FTCD: variants seen among roughly 807,000 people sequenced by gnomAD.
FTCD encodes formimidoyltransferase cyclodeaminase, also known as formimidoyltransferase-cyclodeaminase.
FTCD carries 76 observed loss-of-function variants against 62.9 expected under a neutral mutation model. The observed-to-expected ratio is 1.21, with a 90% CI of 1.00 to 1.46. FTCD has a LOEUF of 1.46. FTCD is among the 40% of genes most tolerant of loss of function. FTCD has a pLI of 0.00. For synonymous variants in FTCD, 397 were observed against 336.9 expected (o/e 1.18, Z -1.95); for missense variants, 845 against 751.3 (o/e 1.12, Z -1.46).
At chr21:46,150,849 G>C (rs1253409357) in intron 5 of FTCD, among the ~76,000 whole-genome samples, 1 of 152,266 alleles carries the variant, frequency 6.6e-6, no homozygotes, top group Non-Finnish European at 1.5e-5. Flanking sequence ...GCACCCCCAT[G>C]CCGTTCTCCC....
In FTCD at chr21:46,152,897, G is replaced by GGGGC; in HGVS notation, c.367+9_367+10insGCCC. 4.1e-6 allele frequency: 5 copies of GGGGC among 1,210,054 alleles called. No homozygotes were observed. The highest frequency in any genetic ancestry group is 5.8e-6 in the Non-Finnish European group (5 of 865,806). 75.0% of individuals were successfully genotyped at this position (1,210,054 alleles called of 1,614,324 possible). A position where few individuals can be genotyped will look rare whatever the true frequency, so the allele number is the denominator to read the frequency against. ...GGAGCAGAGTGAGGGGGGCGGGGGGGCACGCTCACCTGGCACGTCCAGCTC... is the reference window on the plus strand; with the variant it reads ...GGAGCAGAGTGAGGGGGGCGGGGGGGGGGCCACGCTCACCTGGCACGTCCAGCTC... On this transcript the variant is annotated intron_variant, in intron 3 of 13. Transcript: ENST00000397746.
chr21:46,147,362 C>T (rs890403415), intron 7 of FTCD, among the ~76,000 whole-genome samples: 8 of 152,102 alleles, frequency 5.3e-5, no homozygotes, highest in African/African-American at 1.9e-4. Flanking sequence ...CACCCGACAC[C>T]GAATTCACTC....
At chr21:46,141,069 T>C (rs2078993988) in intron 10 of FTCD, among the ~76,000 whole-genome samples, 1 of 152,252 alleles carries the variant, frequency 6.6e-6, no homozygotes, top group South Asian at 2.1e-4. Context: ...CTATGTACTT[T>C]TCCTACTTGT....
At chr21:46,154,657 C>G (rs114883847) in intron 1 of FTCD, among the ~76,000 whole-genome samples, 1 of 152,222 alleles carries the variant, frequency 6.6e-6, no homozygotes, top group Non-Finnish European at 1.5e-5. Flanking sequence ...TGACCACAGG[C>G]GCAGGTCACA....
At chr21:46,137,441 C>T (rs2078896198) in intron 12 of FTCD, 107 bp from the exon 13 acceptor site, 1 of 872,902 alleles carries the variant, frequency 1.1e-6, no homozygotes. Context: ...CGTCCTCCTC[C>T]TCACAAGGAG....
Position 46,150,458 on chromosome 21 carries a change from G to A in FTCD, c.704C>T (p.Ser235Phe), listed in dbSNP as rs1469961270. 2.2e-5 allele frequency: 35 copies of A among 1,613,024 alleles called. No homozygotes were observed. The highest frequency in any genetic ancestry group is 2.9e-5 in the Non-Finnish European group (34 of 1,179,654). Residue 235 changes from serine to phenylalanine, a missense_variant, in exon 6 of 14, where the codon TCC (serine) becomes TTC (phenylalanine). Transcript: ENST00000397746. ...YLDEKNLAQV[S>F]TNLLDFEVTA... ...GACCTCAAAGTCCAGAAGATTGGTG[G>A]ACACCTGAGCCAGGTTCTTCTCATC... is the stretch of plus-strand genomic sequence containing the variant.
chr21:46,148,050 A>G (rs901125639), intron 7 of FTCD, among the ~76,000 whole-genome samples: 2 of 152,178 alleles, frequency 1.3e-5, no homozygotes, highest in African/African-American at 2.4e-5. Context: ...TGCTGCTTAG[A>G]CAGAAAGGAT....
intron 2 of FTCD, among the ~76,000 whole-genome samples, 178 bp from the exon 3 acceptor site, chr21:46,153,213 C>A (rs1185683595): frequency 2.0e-5 from 3 of 152,182 alleles, no homozygotes; most frequent in African/African-American, 7.2e-5. Context: ...CAGCCCTGCC[C>A]CAGCGGCAGC....
In FTCD at chr21:46,155,549, C is replaced by T. The variant is rs371639917; in HGVS notation, c.-26G>A. The T allele has an allele frequency of 1.2e-6, 2 of 1,603,674 alleles. No individual in the cohort carries two copies. Among genetic ancestry groups the T allele is most frequent in the Non-Finnish European group, 8.5e-7 (1 of 1,171,636 alleles). On this transcript the variant is annotated 5_prime_UTR_variant, in exon 1 of 14. Transcript: ENST00000397746. ...GGCCAGCACCTTGATCCAGATGCTC[C>T]TCTCTGGGCAGATGGAAGGACAGGG...
chr21:46,147,949 A>C (rs1184853871), intron 7 of FTCD, among the ~76,000 whole-genome samples: 7 of 151,890 alleles, frequency 4.6e-5, no homozygotes, highest in Non-Finnish European at 8.8e-5. Flanking sequence ...TCTCAAAAAA[A>C]AAAAAAAAAA....
In FTCD at chr21:46,151,991, G is replaced by A. The variant is rs754581887; in HGVS notation, c.368-11C>T. ...CGCCGTACAGGTAAACTGCAGGAGA[G>A]CCCGGCGGTCAGGCCTGGACCGGCA... On this transcript the variant is annotated splice_polypyrimidine_tract_variant and intron_variant, in intron 3 of 13. Transcript: ENST00000397746. 1.9e-6 allele frequency: 3 copies of A among 1,553,412 alleles called. No homozygotes were observed. The highest frequency in any genetic ancestry group is 2.6e-6 in the Non-Finnish European group (3 of 1,147,730).
Position 46,152,129 on chromosome 21 carries a change from G to A in FTCD, c.368-149C>T, listed in dbSNP as rs935049850. 6.9e-5 allele frequency: 42 copies of A among 612,588 alleles called. No homozygotes were observed. The African/African-American group carries it at 7.0e-4, about 10-fold the overall frequency. The allele number at this position is 612,588 out of a possible 1,614,324, so 37.9% of individuals were successfully genotyped here. A position where few individuals can be genotyped will look rare whatever the true frequency, so the allele number is the denominator to read the frequency against. On this transcript the variant is annotated intron_variant, in intron 3 of 13. Coordinates refer to ENST00000397746, the MANE Select transcript of FTCD (RefSeq NM_206965.2). ...CTGGGGAGTGCCCGTTCTCCGCCTTGGATGGATGCGGGTGGTCCCAGTGGA... is the reference window on the plus strand; with the variant it reads ...CTGGGGAGTGCCCGTTCTCCGCCTTAGATGGATGCGGGTGGTCCCAGTGGA...
rs2079231346 is a variant in FTCD, at chr21:46,150,101, C to G, written c.906+18G>C. ...CCTGCACGCCCCTGTCCGACCCTTC[C>G]TCGGCAGCCCGGCCCACCAGCCTGA... is the stretch of plus-strand genomic sequence containing the variant. On this transcript the variant is annotated intron_variant, in intron 7 of 13. Coordinates refer to ENST00000397746, the MANE Select transcript of FTCD (RefSeq NM_206965.2). The G allele has an allele frequency of 3.1e-6, 5 of 1,608,680 alleles. No individual in the cohort carries two copies. The highest frequency in any genetic ancestry group is 4.2e-6 in the Non-Finnish European group (5 of 1,178,612).
At position 46,152,994 on chromosome 21, in the gene FTCD, T is replaced by A; in HGVS notation, c.280A>T (p.Ile94Phe). ...TCCACGCTGACGCCCCTCACGGGGA[T>A]GAAGGGGCAGACGTCTAGGGCCCCC... ...RMGALDVCPF[I>F]PVRGVSVDEC... The change falls in exon 3 of 14, where the codon ATC becomes TTC. Residue 94 changes from isoleucine to phenylalanine, a missense_variant. Transcript: ENST00000397746. The A allele has an allele frequency of 1.3e-6, 2 of 1,551,446 alleles. No homozygotes were observed.
Position 46,138,624 on chromosome 21 carries a change from C to T in FTCD, c.1327G>A (p.Gly443Ser), listed in dbSNP as rs753642045. The T allele has an allele frequency of 1.3e-6, 2 of 1,594,556 alleles. No individual in the cohort carries two copies. The highest frequency in any genetic ancestry group is 1.7e-6 in the Non-Finnish European group (2 of 1,177,492). ...GGCACAGAGACTGCCCGCCTCAGACCCTCCTGTAGGGCCGCCGTGCGCCTG... is the reference window on the plus strand; with the variant it reads ...GGCACAGAGACTGCCCGCCTCAGACTCTCCTGTAGGGCCGCCGTGCGCCTG... ...KDRRTAALQEGLRRAVSVPLT... is the reference protein window; with the variant it reads ...KDRRTAALQESLRRAVSVPLT... Residue 443 changes from glycine (G) to serine (S), a missense_variant, in exon 12 of 14, where the codon GGT becomes AGT. By Grantham distance (56) the Gly-to-Ser change is moderately conservative. Transcript: ENST00000397746.
chr21:46,136,862 C>T lies in FTCD; in HGVS notation c.*125G>A, dbSNP rs763813995. ...GCGCCTCCATTCCCAGGCGATGCCC[C>T]GCTGCCTGCCCACCTACCCTCCGGG... On this transcript the variant is annotated 3_prime_UTR_variant, in exon 14 of 14. Coordinates refer to ENST00000397746, the MANE Select transcript of FTCD (RefSeq NM_206965.2). 1.3e-5 allele frequency: 21 copies of T among 1,557,378 alleles called. No individual in the cohort carries two copies. Among genetic ancestry groups the T allele is most frequent in the South Asian group, 3.5e-5 (3 of 84,814 alleles).
chr21:46,139,026 G>A (rs1356354851), intron 10 of FTCD, 103 bp from the exon 11 acceptor site: 2 of 894,978 alleles, frequency 2.2e-6, no homozygotes, highest in Admixed American at 1.7e-5. Context: ...GTCCCAGGCA[G>A]GGACCAGTTC....
At position 46,138,968 on chromosome 21, in the gene FTCD, A is replaced by T. The variant is rs1292593298; in HGVS notation, c.1261-45T>A. 4 of 1,474,962 alleles carry T rather than the reference A, an allele frequency of 2.7e-6. No homozygotes were observed. In the Admixed American group the frequency reaches 5.0e-5, roughly 18 times the overall value. The allele number at this position is 1,474,962 out of a possible 1,614,324, so 91.4% of individuals were successfully genotyped here. A position where few individuals can be genotyped will look rare whatever the true frequency, so the allele number is the denominator to read the frequency against. On this transcript the variant is annotated intron_variant, in intron 10 of 13. Transcript: ENST00000397746. ...CCACTGGGCGAGGGACCGTAGGGGG[A>T]GCAGCCATGCCCTCTGAGCTCCCAC... is the stretch of plus-strand genomic sequence containing the variant.
chr21:46,151,907 C>T lies in FTCD; in HGVS notation c.441G>A (p.Glu147=). Residue 147 remains glutamate, a synonymous_variant, in exon 4 of 14, where the codon GAG becomes GAA. Coordinates refer to ENST00000397746, the MANE Select transcript of FTCD (RefSeq NM_206965.2). ...GTGGGGGCACCTTCTTAGGGAGGGC[C>T]TCGTACTCCCCGGCCCGGATGGCCG... ...TLPAIRAGEY[E]ALPKKLQQAD... is the part of the protein sequence containing the mutation. The T allele has an allele frequency of 6.4e-7, 1 of 1,564,518 alleles. No individual in the cohort carries two copies.
Sources: gnomAD v4.1 joint callset for allele counts (sites outside exome capture counted in the v4.1 genomes callset) on GRCh38, gnomAD v4.1.1 for gene constraint, MANE v1.5 for transcripts, NCBI Gene and HGNC (gene_info 2026-07-23, HGNC 2026-07-21) for gene names.